The following HS2ST1 variants were observed in gnomAD, a reference collection of about 807,000 sequenced individuals.
The protein encoded by HS2ST1 is heparan sulfate 2-O-sulfotransferase 1, also known as 2-O-sulfotransferase.
HS2ST1 carries 18 observed loss-of-function variants against 42.9 expected under a neutral mutation model. The ratio of observed to expected loss-of-function variants is 0.42; its 90% CI spans 0.29 to 0.62. The LOEUF (loss-of-function observed/expected upper bound fraction) is 0.62. Among genes scored for constraint, HS2ST1 ranks in the 20% least tolerant of loss-of-function variants. The pLI, the probability that HS2ST1 is intolerant of heterozygous loss-of-function variation, is 0.21. For missense variants in HS2ST1, 334 were observed against 433.8 expected, an observed-to-expected ratio of 0.77 and a Z score of 2.04; for synonymous variants, 146 against 152.9, an observed-to-expected ratio of 0.95 and a Z score of 0.33.
intron 1 of HS2ST1, among the ~76,000 whole-genome samples, chr1:87,021,358 A>T (rs1285610371): frequency 6.6e-6 from 1 of 152,204 alleles, no homozygotes; most frequent in Admixed American, 6.5e-5. Context: ...CCCTACAAAC[A>T]TTCCATGTTC....
chr1:87,102,991 A>G (rs553815313), intron 5 of HS2ST1, among the ~76,000 whole-genome samples: 1 of 152,210 alleles, frequency 6.6e-6, no homozygotes, highest in Non-Finnish European at 1.5e-5. Context: ...TCTGTTCCTC[A>G]GAAATTTCAG....
chr1:87,062,866 T>C (rs1651152016), intron 1 of HS2ST1, among the ~76,000 whole-genome samples: 1 of 152,302 alleles, frequency 6.6e-6, no homozygotes, highest in African/African-American at 2.4e-5. Context: ...GCTCCATGGT[T>C]CGTGATAAGA....
At chr1:86,966,147 CT>C (rs1428517857) in intron 1 of HS2ST1, among the ~76,000 whole-genome samples, 2 of 152,190 alleles carry the variant, frequency 1.3e-5, no homozygotes, top group African/African-American at 4.8e-5. Flanking sequence ...TCCTTTGTGA[CT>C]TTAGCTCTTA....
At chr1:86,985,393 C>T (rs1324230538) in intron 1 of HS2ST1, among the ~76,000 whole-genome samples, 2 of 30,468 alleles carry the variant, frequency 6.6e-5, no homozygotes, top group Non-Finnish European at 9.1e-5. Context: ...TACACACACA[C>T]ACACACATAT....
At chr1:86,968,383 G>A (rs1648123900) in intron 1 of HS2ST1, among the ~76,000 whole-genome samples, 1 of 151,578 alleles carries the variant, frequency 6.6e-6, no homozygotes, top group South Asian at 2.1e-4. Context: ...CTTGAGTTTT[G>A]TGTGGTTTTG....
chr1:87,032,904 ATG>A (rs1650274021), intron 1 of HS2ST1, among the ~76,000 whole-genome samples: 1 of 152,200 alleles, frequency 6.6e-6, no homozygotes, highest in Admixed American at 6.5e-5. Flanking sequence ...CAGTTAGACC[ATG>A]TGTGATTACT....
chr1:87,031,775 C>T (rs1361942827), intron 1 of HS2ST1, among the ~76,000 whole-genome samples: 1 of 151,930 alleles, frequency 6.6e-6, no homozygotes, highest in Non-Finnish European at 1.5e-5. Context: ...TATTGCAATA[C>T]TACTGAACAT....
At chr1:87,042,300 T>C (rs1650543482) in intron 1 of HS2ST1, among the ~76,000 whole-genome samples, 1 of 152,208 alleles carries the variant, frequency 6.6e-6, no homozygotes, top group Admixed American at 6.5e-5. Context: ...TCCTTTGCTA[T>C]GCAGAAACTT....
At chr1:86,923,758 T>A (rs1164932292) in intron 1 of HS2ST1, among the ~76,000 whole-genome samples, 1 of 152,190 alleles carries the variant, frequency 6.6e-6, no homozygotes, top group Non-Finnish European at 1.5e-5. Flanking sequence ...GGGAACAGCA[T>A]GGGAAAGACT....
chr1:87,026,575 C>T (rs1021190806), intron 1 of HS2ST1, among the ~76,000 whole-genome samples: 7 of 151,934 alleles, frequency 4.6e-5, no homozygotes, highest in African/African-American at 9.7e-5. Context: ...ATATAAAAAA[C>T]GGGATATATT....
intron 1 of HS2ST1, among the ~76,000 whole-genome samples, chr1:87,015,548 G>A (rs1649731259): frequency 6.6e-6 from 1 of 151,506 alleles, no homozygotes; most frequent in Non-Finnish European, 1.5e-5. Context: ...GTTTCACCGT[G>A]TTAGCCAAGA....
At chr1:87,046,069 G>T in intron 1 of HS2ST1, 1 of 664,726 alleles carries the variant, frequency 1.5e-6, no homozygotes, top group South Asian at 1.4e-5. Context: ...TACCATGACA[G>T]CATCATGAAC....
At chr1:87,048,256 C>A (rs987511762) in intron 1 of HS2ST1, among the ~76,000 whole-genome samples, 4 of 152,146 alleles carry the variant, frequency 2.6e-5, no homozygotes, top group African/African-American at 9.7e-5. Context: ...TTATATCCTG[C>A]AACCTTGCTA....
At chr1:87,068,947 C>T (rs1651326196) in intron 1 of HS2ST1, among the ~76,000 whole-genome samples, 1 of 152,202 alleles carries the variant, frequency 6.6e-6, no homozygotes, top group Non-Finnish European at 1.5e-5. Context: ...CCTCCCTCAA[C>T]TCCTGAGTAG....
At chr1:87,093,855 TG>T (rs1652002717) in intron 4 of HS2ST1, among the ~76,000 whole-genome samples, 1 of 149,000 alleles carries the variant, frequency 6.7e-6, no homozygotes, top group South Asian at 2.1e-4. Flanking sequence ...AGTGGTTTTT[TG>T]TTTTGTTTTC....
chr1:86,954,783 G>A (rs1212226327), intron 1 of HS2ST1, among the ~76,000 whole-genome samples: 1 of 152,110 alleles, frequency 6.6e-6, no homozygotes, highest in Admixed American at 6.6e-5. Context: ...AAAGAGTCAA[G>A]TTTTTTAGCA....
rs12406735 is a variant in HS2ST1 at position 87,075,303 on chromosome 1, A to G, written c.363+2131A>G. 4.2e-4 allele frequency among the ~76,000 whole-genome samples: 63 copies of G among 150,478 alleles called. No individual in the cohort carries two copies. The Admixed American group carries it at 4.2e-3, about 10-fold the overall frequency. ...TGCCTCAGCCTCCCAAGTAGCGAGG[A>G]TTATAGGCATGCGCCACCACGCCCA... is the stretch of plus-strand genomic sequence containing the variant. On this transcript the variant is annotated intron_variant, in intron 2 of 6. Transcript: ENST00000370550.
intron 1 of HS2ST1, among the ~76,000 whole-genome samples, chr1:86,985,271 C>T (rs912511771): frequency 1.4e-4 from 20 of 147,480 alleles, no homozygotes; most frequent in Admixed American, 7.5e-4. Flanking sequence ...AGGAGAATGG[C>T]GTGAACCCAG....
At chr1:86,975,440 C>G (rs1648369831) in intron 1 of HS2ST1, among the ~76,000 whole-genome samples, 1 of 151,828 alleles carries the variant, frequency 6.6e-6, no homozygotes, top group South Asian at 2.1e-4. Flanking sequence ...CTTAGAAAGA[C>G]CAAAGGCTGA....
Sources: allele counts gnomAD v4.1 joint callset (sites outside exome capture counted in the v4.1 genomes callset), GRCh38; gene constraint gnomAD v4.1.1; transcripts MANE v1.5; gene names NCBI Gene and HGNC (gene_info 2026-07-23, HGNC 2026-07-21).